RAB28: variants seen among roughly 807,000 people sequenced by gnomAD.
RAB28 encodes the protein ras-related protein Rab-28.
RAB28 carries 24 observed loss-of-function variants against 31.7 expected under a neutral mutation model. The ratio of observed to expected loss-of-function variants is 0.76; its 90% CI spans 0.55 to 1.06. The LOEUF is 1.06. Among genes scored for constraint, RAB28 ranks in the 50% least tolerant of loss-of-function variants. The probability of loss-of-function intolerance (pLI) is 0.00; values close to 1 mark genes in which losing one functional copy is unlikely to be tolerated. For missense variants in RAB28, 254 were observed against 258.5 expected (o/e 0.98, Z 0.12); for synonymous variants, 100 against 90.4 (o/e 1.11, Z -0.60).
intron 4 of RAB28, among the ~76,000 whole-genome samples, chr4:13,458,018 G>A (rs993809514): frequency 1.3e-5 from 2 of 152,100 alleles, no homozygotes; most frequent in Non-Finnish European, 2.9e-5. Context: ...ACTAAAATGA[G>A]AAGCTGAACC....
chr4:13,373,456 T>C (rs1244156536), intron 6 of RAB28, among the ~76,000 whole-genome samples: 1 of 152,186 alleles, frequency 6.6e-6, no homozygotes, highest in African/African-American at 2.4e-5. Context: ...ATTGTTTAAA[T>C]GTTTGGCTGC....
At chr4:13,483,669 G>C (rs565782545) in intron 1 of RAB28, among the ~76,000 whole-genome samples, 1 of 152,284 alleles carries the variant, frequency 6.6e-6, no homozygotes, top group South Asian at 2.1e-4. Flanking sequence ...CCAGAGCTAC[G>C]CTCCTGGGAG....
At chr4:13,415,992 ACT>A (rs1274480846) in intron 4 of RAB28, among the ~76,000 whole-genome samples, 4 of 152,038 alleles carry the variant, frequency 2.6e-5, no homozygotes, top group South Asian at 4.1e-4. Flanking sequence ...ACCAATCGAC[ACT>A]CTGTATCTAG....
intron 6 of RAB28, among the ~76,000 whole-genome samples, chr4:13,373,860 C>G (rs140375736): frequency 1.3e-3 from 192 of 152,102 alleles, no homozygotes; most frequent in Non-Finnish European, 2.5e-3. Context: ...ATACAAAGTA[C>G]TTTCAAACAT....
intron 3 of RAB28, among the ~76,000 whole-genome samples, chr4:13,468,412 A>G (rs1048902656): frequency 6.6e-6 from 1 of 152,058 alleles, no homozygotes; most frequent in South Asian, 2.1e-4. Context: ...ACCAGAAATC[A>G]GTAACAGTAA....
chr4:13,371,759 T>C, intron 6 of RAB28: 1 of 1,546,870 alleles, frequency 6.5e-7, no homozygotes, highest in Non-Finnish European at 8.7e-7. Context: ...CATTTATTGA[T>C]GTTTTTAGAG....
intron 3 of RAB28, 41 bp downstream of exon 3, chr4:13,474,273 AGTGG>A: frequency 7.9e-7 from 1 of 1,270,684 alleles, no homozygotes; most frequent in Non-Finnish European, 1.1e-6. Flanking sequence ...TGTGCTTGTA[AGTGG>A]TATACTTTCA....
rs180846962 is a variant in RAB28 at position 13,481,906 on chromosome 4, A to G, written c.75+2170T>C. 7.7e-4 allele frequency among the ~76,000 whole-genome samples: 117 copies of G among 152,280 alleles called. 1 individual carries two copies. In the Middle Eastern group the frequency reaches 0.024, roughly 31 times the overall value. On this transcript the variant is annotated intron_variant, in intron 1 of 6. Coordinates refer to ENST00000330852, the MANE Select transcript of RAB28 (RefSeq NM_001017979.3). ...AAGAGAGGCTGAGTTCACAAAGAAAAGAACAATAAAGGAAAAAGAATGGGA... is the reference window on the plus strand; with the variant it reads ...AAGAGAGGCTGAGTTCACAAAGAAAGGAACAATAAAGGAAAAAGAATGGGA...
In RAB28 at chr4:13,398,091, TA is replaced by T. The variant is rs928019449; in HGVS notation, c.392-16498del. On this transcript the variant is annotated intron_variant, in intron 4 of 6. Transcript: ENST00000330852. Reference sequence around the variant, plus strand: ...CTTTTAGTAATGGATAATGCATAACTATTTCTCCTCTTGCCTCAGGTTAGAG... The same window carrying T: ...CTTTTAGTAATGGATAATGCATAACTTTTCTCCTCTTGCCTCAGGTTAGAG... Among the ~76,000 whole-genome samples the T allele has an allele frequency of 2.7e-4, 41 of 152,282 alleles. No individual in the cohort carries two copies. The East Asian group carries it at 3.7e-3, about 14-fold the overall frequency.
rs530850541 is a variant in RAB28, at chr4:13,444,907, T to C, written c.391+15792A>G. ...TCTTGGTGGTGTTCTCTGTATTTCC[T>C]GAATTTGAATGTCGGCCTGTCTTGC... On this transcript the variant is annotated intron_variant, in intron 4 of 6. Coordinates refer to ENST00000330852, the MANE Select transcript of RAB28 (RefSeq NM_001017979.3). 2.0e-5 allele frequency among the ~76,000 whole-genome samples: 3 copies of C among 152,082 alleles called. No homozygotes were observed. The East Asian group carries it at 5.8e-4, about 30-fold the overall frequency.
chr4:13,406,709 T>C (rs1259305411), intron 4 of RAB28, among the ~76,000 whole-genome samples: 1 of 152,254 alleles, frequency 6.6e-6, no homozygotes, highest in Non-Finnish European at 1.5e-5. Flanking sequence ...TGGCATGAGA[T>C]GGTATCTCAT....
intron 4 of RAB28, among the ~76,000 whole-genome samples, chr4:13,404,507 A>C (rs1711958496): frequency 6.6e-6 from 1 of 152,344 alleles, no homozygotes; most frequent in Admixed American, 6.5e-5. Context: ...TAAACACAAA[A>C]TTTAATCAAT....
chr4:13,385,175 C>A (rs1006184776), intron 4 of RAB28, among the ~76,000 whole-genome samples: 3 of 152,102 alleles, frequency 2.0e-5, no homozygotes, highest in Non-Finnish European at 2.9e-5. Flanking sequence ...AAGGAATGAA[C>A]AAAATCTCTG....
chr4:13,396,434 C>G (rs898732527), intron 4 of RAB28, among the ~76,000 whole-genome samples: 1 of 152,044 alleles, frequency 6.6e-6, no homozygotes, highest in African/African-American at 2.4e-5. Flanking sequence ...TAATTTTACC[C>G]TGCCATGTAC....
chr4:13,446,490 T>C (rs992213580), intron 4 of RAB28, among the ~76,000 whole-genome samples: 1 of 152,150 alleles, frequency 6.6e-6, no homozygotes, highest in African/African-American at 2.4e-5. Context: ...GGGGCCCTGG[T>C]GGTGTAGGCT....
intron 6 of RAB28, chr4:13,370,573 T>C: frequency 1.0e-6 from 1 of 958,158 alleles, no homozygotes; most frequent in Non-Finnish European, 1.2e-6. Flanking sequence ...GAAGGAGTAA[T>C]TAATTATCTT....
intron 4 of RAB28, among the ~76,000 whole-genome samples, chr4:13,383,783 G>A (rs958867218): frequency 2.0e-5 from 3 of 152,184 alleles, no homozygotes; most frequent in Non-Finnish European, 4.4e-5. Context: ...CATCTTGCCT[G>A]ACGCCATGTA....
chr4:13,473,694 T>A, intron 3 of RAB28: 1 of 267,630 alleles, frequency 3.7e-6, no homozygotes, highest in Non-Finnish European at 7.5e-6. Flanking sequence ...TCATGGAGAA[T>A]ATAAGCTCAT....
chr4:13,391,671 A>AT (rs1281841507), intron 4 of RAB28, among the ~76,000 whole-genome samples: 1 of 152,212 alleles, frequency 6.6e-6, no homozygotes, highest in African/African-American at 2.4e-5. Context: ...TCCATCAATG[A>AT]TAGACTAGAT....
Sources: gnomAD v4.1 joint callset for allele counts (sites outside exome capture counted in the v4.1 genomes callset) on GRCh38, gnomAD v4.1.1 for gene constraint, MANE v1.5 for transcripts, NCBI Gene and HGNC (gene_info 2026-07-23, HGNC 2026-07-21) for gene names.